GPC5: variants seen among roughly 807,000 people sequenced by gnomAD.
GPC5 encodes glypican-5.
Under a neutral mutation model 53.9 loss-of-function variants are expected in GPC5, and 47 were observed. The observed-to-expected ratio is 0.87, with a 90% CI of 0.69 to 1.11. The LOEUF (loss-of-function observed/expected upper bound fraction) is 1.11, where lower values mean the gene tolerates loss of function less well. GPC5 is among the 50% of genes most tolerant of loss of function. GPC5 has a pLI of 0.00. For synonymous variants in GPC5, 286 were observed against 263.3 expected (o/e 1.09, Z -0.84); for missense variants, 748 against 713.1 (o/e 1.05, Z -0.56).
intron 7 of GPC5, among the ~76,000 whole-genome samples, chr13:92,415,320 T>C (rs1402135711): frequency 6.6e-6 from 1 of 152,114 alleles, no homozygotes; most frequent in African/African-American, 2.4e-5. Context: ...AAAGACCAGT[T>C]AGAAAATAAT....
At chr13:92,009,114 T>G (rs1237364625) in intron 6 of GPC5, among the ~76,000 whole-genome samples, 1 of 152,206 alleles carries the variant, frequency 6.6e-6, no homozygotes, top group East Asian at 1.9e-4. Flanking sequence ...TATAGCATTA[T>G]CTCTTTCATT....
intron 7 of GPC5, among the ~76,000 whole-genome samples, chr13:92,426,059 C>T (rs553198163): frequency 1.3e-5 from 2 of 152,238 alleles, no homozygotes; most frequent in East Asian, 3.9e-4. Context: ...CAACACCGAA[C>T]ACTGAAGGCC....
chr13:91,585,828 T>C (rs1275479255), intron 2 of GPC5, among the ~76,000 whole-genome samples: 1 of 152,184 alleles, frequency 6.6e-6, no homozygotes, highest in Non-Finnish European at 1.5e-5. Context: ...CTCTTTTCAT[T>C]TTACTGTTTA....
At chr13:92,632,962 C>T (rs1021283898) in intron 7 of GPC5, among the ~76,000 whole-genome samples, 43 of 152,264 alleles carry the variant, frequency 2.8e-4, no homozygotes, top group African/African-American at 9.4e-4. Context: ...GCTATCTTGG[C>T]TCACTGCAAT....
chr13:91,490,380 G>A (rs1883875255), intron 2 of GPC5, among the ~76,000 whole-genome samples: 1 of 152,118 alleles, frequency 6.6e-6, no homozygotes, highest in Admixed American at 6.6e-5. Flanking sequence ...GTTTTTAGAG[G>A]AAAGGTAATG....
chr13:92,643,027 G>C (rs181174729), intron 7 of GPC5, among the ~76,000 whole-genome samples: 89 of 152,282 alleles, frequency 5.8e-4, no homozygotes, highest in African/African-American at 2.1e-3. Flanking sequence ...GTCTTCTTTT[G>C]AGAAGTGTCT....
intron 7 of GPC5, among the ~76,000 whole-genome samples, chr13:92,158,166 C>T (rs2139001882): frequency 6.6e-6 from 1 of 152,172 alleles, no homozygotes; most frequent in Non-Finnish European, 1.5e-5. Context: ...ACAGATGTTT[C>T]AAGTATCAGT....
At chr13:92,576,676 G>A (rs940644881) in intron 7 of GPC5, among the ~76,000 whole-genome samples, 1 of 152,158 alleles carries the variant, frequency 6.6e-6, no homozygotes, top group Non-Finnish European at 1.5e-5. Context: ...CAAATCATTT[G>A]ATATCAGAAA....
At chr13:91,664,597 C>G (rs1244392956) in intron 2 of GPC5, among the ~76,000 whole-genome samples, 2 of 152,162 alleles carry the variant, frequency 1.3e-5, no homozygotes, top group Non-Finnish European at 2.9e-5. Flanking sequence ...GTAAACAGAT[C>G]CATTCATTCT....
At position 91,987,932 on chromosome 13, in the gene GPC5, C is replaced by T. The variant is rs976505924; in HGVS notation, c.1401+79875C>T. 4.2e-5 allele frequency among the ~76,000 whole-genome samples: 6 copies of T among 143,174 alleles called. No individual in the cohort carries two copies. The Admixed American group carries it at 4.3e-4, about 10-fold the overall frequency. The allele number at this position is 143,174 out of a possible 152,430, so 93.9% of individuals were successfully genotyped here. ...ATACGATGTAGTATATATAAACATA[C>T]TATACATTATAGTAATTATTATAGT... On this transcript the variant is annotated intron_variant, in intron 6 of 7. Coordinates refer to ENST00000377067, the MANE Select transcript of GPC5 (RefSeq NM_004466.6).
intron 7 of GPC5, among the ~76,000 whole-genome samples, chr13:92,279,614 A>T (rs6492595): frequency 0.41 from 61,603 of 151,340 alleles, 13,222 homozygotes; most frequent in African/African-American, 0.55. Flanking sequence ...GTATTTTTTT[A>T]TTATTATTAT....
chr13:91,540,922 T>C (rs2029890136), intron 2 of GPC5, among the ~76,000 whole-genome samples: 1 of 152,144 alleles, frequency 6.6e-6, no homozygotes, highest in Non-Finnish European at 1.5e-5. Flanking sequence ...CATTATACAT[T>C]GTTGATTAAA....
At chr13:92,318,879 T>G (rs1208760034) in intron 7 of GPC5, among the ~76,000 whole-genome samples, 1 of 152,174 alleles carries the variant, frequency 6.6e-6, no homozygotes, top group African/African-American at 2.4e-5. Context: ...TTTTGTTTGT[T>G]TCATAAATGT....
chr13:92,020,205 C>G (rs1256029047), intron 6 of GPC5, among the ~76,000 whole-genome samples: 1 of 152,052 alleles, frequency 6.6e-6, no homozygotes, highest in South Asian at 2.1e-4. Context: ...TGTAATTTCA[C>G]CAGCTGTAAA....
intron 7 of GPC5, among the ~76,000 whole-genome samples, chr13:92,324,971 A>T (rs1206753497): frequency 1.3e-5 from 2 of 151,980 alleles, no homozygotes; most frequent in Non-Finnish European, 2.9e-5. Context: ...GAGCATGATT[A>T]CATCATTTAA....
At chr13:92,563,066 G>T (rs1343601431) in intron 7 of GPC5, among the ~76,000 whole-genome samples, 3 of 151,902 alleles carry the variant, frequency 2.0e-5, no homozygotes, top group Admixed American at 1.3e-4. Context: ...TGACGGGCAG[G>T]TACCAATCAA....
chr13:91,684,949 C>T (rs748673753), intron 2 of GPC5, among the ~76,000 whole-genome samples: 4 of 152,152 alleles, frequency 2.6e-5, no homozygotes, highest in Non-Finnish European at 4.4e-5. Context: ...CTTTGCACCT[C>T]GTAACCTTGC....
intron 7 of GPC5, among the ~76,000 whole-genome samples, chr13:92,558,681 C>T (rs1040588573): frequency 1.3e-5 from 2 of 151,914 alleles, no homozygotes; most frequent in Admixed American, 1.3e-4. Flanking sequence ...CTGTACACTT[C>T]CTAAGATCAT....
chr13:91,792,684 T>G (rs2037985514), intron 5 of GPC5, among the ~76,000 whole-genome samples: 1 of 152,214 alleles, frequency 6.6e-6, no homozygotes, highest in Non-Finnish European at 1.5e-5. Context: ...ACTGTTAGGT[T>G]AGGTCAGCTG....
Sources: allele counts gnomAD v4.1 joint callset (sites outside exome capture counted in the v4.1 genomes callset), GRCh38; gene constraint gnomAD v4.1.1; transcripts MANE v1.5; gene names NCBI Gene and HGNC (gene_info 2026-07-23, HGNC 2026-07-21).